HECW1: variants seen among roughly 807,000 people sequenced by gnomAD.
HECW1 encodes the protein E3 ubiquitin-protein ligase HECW1.
Under a neutral mutation model 182.3 loss-of-function variants are expected in HECW1, and 61 were observed. The ratio of observed to expected loss-of-function variants is 0.33; its 90% CI spans 0.27 to 0.41. The LOEUF is 0.41. Ranked by LOEUF, HECW1 falls within the 10% of genes least tolerant of loss-of-function variation. The pLI is 1.00. For synonymous variants in HECW1, 859 were observed against 832.6 expected (o/e 1.03, Z -0.55); for missense variants, 1,739 against 2,108.9 (o/e 0.82, Z 3.44).
chr7:43,429,213 G>C (rs556113024), intron 8 of HECW1, among the ~76,000 whole-genome samples: 2 of 146,982 alleles, frequency 1.4e-5, no homozygotes, highest in African/African-American at 2.5e-5. Context: ...GATGGTGAAG[G>C]CTTGATCAAA....
At position 43,546,591 on chromosome 7, in the gene HECW1, G is replaced by C. The variant is rs369765123; in HGVS notation, c.4249-3854G>C. ...TTGGTGTTGAACTCAAGGGGTTCTGGGTGGCCAAGGGCATTGTCCAATATC... is the reference window on the plus strand; with the variant it reads ...TTGGTGTTGAACTCAAGGGGTTCTGCGTGGCCAAGGGCATTGTCCAATATC... On this transcript the variant is annotated intron_variant, in intron 26 of 29. Coordinates refer to ENST00000395891, the MANE Select transcript of HECW1 (RefSeq NM_015052.5). Among the ~76,000 whole-genome samples, 151 of 149,198 alleles carry C rather than the reference G, an allele frequency of 1.0e-3. 1 individual carries two copies. The highest frequency in any genetic ancestry group is 3.4e-3 in the African/African-American group (136 of 40,370).
intron 24 of HECW1, among the ~76,000 whole-genome samples, chr7:43,538,775 T>C (rs564167255): frequency 3.3e-5 from 5 of 152,244 alleles, no homozygotes; most frequent in Admixed American, 6.5e-5. Context: ...CTTTACCCAG[T>C]AGGCATTTGA....
chr7:43,473,994 C>G (rs988193077), intron 16 of HECW1, among the ~76,000 whole-genome samples: 1 of 152,110 alleles, frequency 6.6e-6, no homozygotes, highest in Non-Finnish European at 1.5e-5. Context: ...GGAAAACACT[C>G]TCAGCTTTGG....
At chr7:43,294,252 T>C (rs1301819454) in intron 3 of HECW1, among the ~76,000 whole-genome samples, 1 of 152,242 alleles carries the variant, frequency 6.6e-6, no homozygotes, top group African/African-American at 2.4e-5. Flanking sequence ...CTGGTGCCTT[T>C]GGCATGTCCA....
chr7:43,381,898 A>G (rs2152827863), intron 6 of HECW1, among the ~76,000 whole-genome samples: 1 of 152,242 alleles, frequency 6.6e-6, no homozygotes, highest in Non-Finnish European at 1.5e-5. Context: ...TCCTGGCCTC[A>G]AGCAGTCCTC....
intron 7 of HECW1, among the ~76,000 whole-genome samples, chr7:43,399,891 T>C (rs944902942): frequency 1.3e-5 from 2 of 152,198 alleles, no homozygotes; most frequent in East Asian, 3.8e-4. Flanking sequence ...GTATGTTGCA[T>C]TCACTATGTC....
chr7:43,291,494 A>G (rs10225325), intron 3 of HECW1, among the ~76,000 whole-genome samples: 11,363 of 152,314 alleles, frequency 0.075, 1,246 homozygotes, highest in African/African-American at 0.24. Context: ...TGGTTAAAGT[A>G]CAAGGACATA....
intron 5 of HECW1, among the ~76,000 whole-genome samples, chr7:43,330,639 A>T (rs542641186): frequency 6.6e-6 from 1 of 152,356 alleles, no homozygotes; most frequent in Admixed American, 6.5e-5. Context: ...CAGAAGATAC[A>T]GAAGTCACCT....
At chr7:43,442,975 G>A (rs560623492) in intron 10 of HECW1, among the ~76,000 whole-genome samples, 3 of 152,322 alleles carry the variant, frequency 2.0e-5, no homozygotes, top group Admixed American at 6.5e-5. Flanking sequence ...ATGAATGAAC[G>A]TGAAACATCT....
chr7:43,409,100 T>C (rs1029544867), intron 8 of HECW1, among the ~76,000 whole-genome samples: 2 of 152,208 alleles, frequency 1.3e-5, no homozygotes, highest in African/African-American at 4.8e-5. Context: ...AAAGATTTTT[T>C]ATTATCTATT....
At chr7:43,198,771 TCACA>T (rs368044025) in intron 2 of HECW1, among the ~76,000 whole-genome samples, 8,174 of 138,106 alleles carry the variant, frequency 0.059, 309 homozygotes, top group African/African-American at 0.11. Context: ...GCACACTCTC[TCACA>T]CACACTCCAC....
intron 2 of HECW1, among the ~76,000 whole-genome samples, chr7:43,215,236 T>C (rs900537548): frequency 3.9e-5 from 6 of 152,238 alleles, no homozygotes; most frequent in African/African-American, 1.2e-4. Context: ...TGGAGAGCCC[T>C]TGCTGTGCCC....
chr7:43,247,731 AAAGG>A (rs200722132), intron 3 of HECW1, among the ~76,000 whole-genome samples: 7 of 124,208 alleles, frequency 5.6e-5, no homozygotes, highest in South Asian at 2.6e-4. Context: ...AGGAAGGAAG[AAAGG>A]AAGGAAGGAG....
At chr7:43,158,899 A>C (rs966418919) in intron 2 of HECW1, among the ~76,000 whole-genome samples, 1 of 152,232 alleles carries the variant, frequency 6.6e-6, no homozygotes, top group Non-Finnish European at 1.5e-5. Flanking sequence ...TTCTCAAACT[A>C]TACTGTGCAT....
intron 2 of HECW1, among the ~76,000 whole-genome samples, chr7:43,234,614 G>A (rs1311918692): frequency 6.6e-6 from 1 of 152,022 alleles, no homozygotes; most frequent in Non-Finnish European, 1.5e-5. Flanking sequence ...GCTTTTCCTG[G>A]AGACCCAGGG....
intron 5 of HECW1, among the ~76,000 whole-genome samples, chr7:43,355,919 G>A (rs1194152117): frequency 6.6e-6 from 1 of 152,176 alleles, no homozygotes; most frequent in Non-Finnish European, 1.5e-5. Flanking sequence ...AACACAGGAG[G>A]CGGAGGTTGC....
intron 5 of HECW1, among the ~76,000 whole-genome samples, chr7:43,345,799 T>TACAC (rs58255657): frequency 1.3e-4 from 19 of 150,676 alleles, no homozygotes; most frequent in African/African-American, 3.9e-4. Context: ...ATCATATATA[T>TACAC]ACACACACAC....
At chr7:43,215,976 T>C (rs1489529839) in intron 2 of HECW1, among the ~76,000 whole-genome samples, 13 of 152,174 alleles carry the variant, frequency 8.5e-5, no homozygotes, top group Non-Finnish European at 1.9e-4. Context: ...TTCTTCAAAC[T>C]GTCTGACCCC....
intron 2 of HECW1, among the ~76,000 whole-genome samples, chr7:43,127,876 G>A (rs1786449517): frequency 6.8e-6 from 1 of 147,158 alleles, no homozygotes; most frequent in Admixed American, 6.8e-5. Context: ...ATTAAAAATT[G>A]ATTTTCCTTT....
Sources: gnomAD v4.1 joint callset for allele counts (sites outside exome capture counted in the v4.1 genomes callset) on GRCh38, gnomAD v4.1.1 for gene constraint, MANE v1.5 for transcripts, NCBI Gene and HGNC (gene_info 2026-07-23, HGNC 2026-07-21) for gene names.